ROBO2: variants seen among roughly 807,000 people sequenced by gnomAD.
The protein encoded by ROBO2 is roundabout guidance receptor 2, also known as roundabout homolog 2.
A neutral mutation model predicts 160.8 loss-of-function variants in ROBO2; 53 were observed. The ratio of observed to expected loss-of-function variants is 0.33; its 90% confidence interval spans 0.26 to 0.41. The LOEUF is 0.41. Among genes scored for constraint, ROBO2 ranks in the 10% least tolerant of loss-of-function variants. The probability of loss-of-function intolerance (pLI) is 1.00; values close to 1 mark genes in which losing one functional copy is unlikely to be tolerated. For synonymous variants in ROBO2, 664 were observed against 611.7 expected (o/e 1.09, Z -1.26); for missense variants, 1,577 against 1,722.4 (o/e 0.92, Z 1.49).
At chr3:76,307,205 T>C (rs1392297105) in intron 2 of ROBO2, among the ~76,000 whole-genome samples, 2 of 152,190 alleles carry the variant, frequency 1.3e-5, no homozygotes, top group African/African-American at 4.8e-5. Flanking sequence ...ATCCTCTGCC[T>C]CTTGCCTGAC....
At chr3:76,094,116 T>A (rs2069342050) in intron 2 of ROBO2, among the ~76,000 whole-genome samples, 1 of 151,848 alleles carries the variant, frequency 6.6e-6, no homozygotes, top group Admixed American at 6.6e-5. Flanking sequence ...TATAACAATC[T>A]CGAGTGCACA....
At position 77,243,386 on chromosome 3, in the gene ROBO2, T is replaced by C. The variant is rs930771524; in HGVS notation, c.388+145046T>C. ...TAAAGACCTACATGGTTATTTTTCT[T>C]AGAACGTGAGAAGTCTTAGGAGCAA... On this transcript the variant is annotated intron_variant, in intron 2 of 25. Transcript: ENST00000461745. Among the ~76,000 whole-genome samples, 6 of 152,342 alleles carry C rather than the reference T, an allele frequency of 3.9e-5. 1 individual carries two copies. Among genetic ancestry groups the C allele is most frequent in the African/African-American group, 1.4e-4 (6 of 41,578 alleles).
rs146783348 is a variant in ROBO2, at chr3:76,997,370, G to T, written c.110-100644G>T. Among the ~76,000 whole-genome samples, 836 of 152,164 alleles carry T rather than the reference G, an allele frequency of 5.5e-3. 6 individuals are homozygous for T. The highest frequency in any genetic ancestry group is 0.019 in the African/African-American group (800 of 41,534). ...CTCCTATTATTATATTTCTCCTGTT[G>T]AGTGATAGTGCTTATTGAACAGTAT... is the stretch of plus-strand genomic sequence containing the variant. On this transcript the variant is annotated intron_variant, in intron 2 of 26. Transcript: ENST00000487694.
chr3:77,029,495 C>T (rs995704254), intron 2 of ROBO2, among the ~76,000 whole-genome samples: 1 of 152,100 alleles, frequency 6.6e-6, no homozygotes, highest in Non-Finnish European at 1.5e-5. Flanking sequence ...ACAGAGGAAA[C>T]GACTTAAGTC....
At chr3:76,135,084 C>G (rs1316540900) in intron 2 of ROBO2, among the ~76,000 whole-genome samples, 1 of 151,982 alleles carries the variant, frequency 6.6e-6, no homozygotes, top group Non-Finnish European at 1.5e-5. Flanking sequence ...TGGAGTTCCC[C>G]TCCAGCTGGT....
chr3:76,903,158 T>C (rs1242920253), intron 2 of ROBO2, among the ~76,000 whole-genome samples: 1 of 152,118 alleles, frequency 6.6e-6, no homozygotes, highest in South Asian at 2.1e-4. Context: ...GAACTAACTT[T>C]GCATTCTCAA....
chr3:76,761,326 A>C (rs185836862), intron 2 of ROBO2, among the ~76,000 whole-genome samples: 199 of 151,806 alleles, frequency 1.3e-3, no homozygotes, highest in African/African-American at 4.6e-3. Flanking sequence ...TCTCATTTCT[A>C]TTGGATGAGC....
chr3:77,285,746 T>A (rs2060543070), intron 2 of ROBO2, among the ~76,000 whole-genome samples: 1 of 152,012 alleles, frequency 6.6e-6, no homozygotes, highest in South Asian at 2.1e-4. Flanking sequence ...TCCTAAACTA[T>A]GCACATGCTC....
chr3:76,568,464 T>A (rs1402651676), intron 2 of ROBO2, among the ~76,000 whole-genome samples: 1 of 690 alleles, frequency 1.4e-3, no homozygotes, highest in African/African-American at 1.8e-3. Context: ...GCCCAGATAA[T>A]TTTTTTTTTT....
At chr3:76,066,461 A>G (rs1019670344) in intron 2 of ROBO2, among the ~76,000 whole-genome samples, 12 of 152,144 alleles carry the variant, frequency 7.9e-5, no homozygotes, top group African/African-American at 2.9e-4. Context: ...ATTTTTTATA[A>G]TGAACCATTT....
At chr3:76,774,983 G>A (rs555142793) in intron 2 of ROBO2, among the ~76,000 whole-genome samples, 2 of 150,520 alleles carry the variant, frequency 1.3e-5, no homozygotes, top group East Asian at 3.9e-4. Flanking sequence ...ATTTGCTTTG[G>A]TCTAGCTTCA....
At chr3:75,961,608 A>G (rs1266332890) in intron 2 of ROBO2, among the ~76,000 whole-genome samples, 1 of 151,706 alleles carries the variant, frequency 6.6e-6, no homozygotes, top group Non-Finnish European at 1.5e-5. Flanking sequence ...GGGCTGGGTC[A>G]GGGAGAAGGT....
chr3:76,032,921 G>A (rs2066974740), intron 2 of ROBO2, among the ~76,000 whole-genome samples: 1 of 152,142 alleles, frequency 6.6e-6, no homozygotes, highest in South Asian at 2.1e-4. Flanking sequence ...GATATTATAT[G>A]ATACTGCTTG....
intron 2 of ROBO2, among the ~76,000 whole-genome samples, chr3:76,652,477 G>T (rs1156917770): frequency 1.3e-5 from 2 of 152,034 alleles, no homozygotes; most frequent in Non-Finnish European, 2.9e-5. Flanking sequence ...ACCACATTCT[G>T]TCCTCTTTAC....
intron 2 of ROBO2, among the ~76,000 whole-genome samples, chr3:76,256,953 A>G (rs1035647033): frequency 1.3e-5 from 2 of 151,994 alleles, no homozygotes; most frequent in African/African-American, 2.4e-5. Context: ...GACCACACAC[A>G]TAAAACAAGC....
chr3:76,360,022 T>G (rs2075412173), intron 2 of ROBO2, among the ~76,000 whole-genome samples: 1 of 152,092 alleles, frequency 6.6e-6, no homozygotes, highest in Non-Finnish European at 1.5e-5. Flanking sequence ...ATTGAGAAGT[T>G]TACCATAATT....
chr3:76,302,561 A>G (rs1709415493), intron 2 of ROBO2, among the ~76,000 whole-genome samples: 1 of 152,104 alleles, frequency 6.6e-6, no homozygotes, highest in Non-Finnish European at 1.5e-5. Context: ...GATAGATCCC[A>G]TATATGACAG....
intron 2 of ROBO2, among the ~76,000 whole-genome samples, chr3:77,259,790 A>T (rs1481315750): frequency 3.9e-5 from 6 of 152,320 alleles, no homozygotes; most frequent in African/African-American, 1.2e-4. Flanking sequence ...AGATGGTTCC[A>T]TTTGACCCCA....
chr3:76,219,712 C>A, intron 2 of ROBO2, among the ~76,000 whole-genome samples: 1 of 152,270 alleles, frequency 6.6e-6, no homozygotes, highest in South Asian at 2.1e-4. Flanking sequence ...AATAGGAACA[C>A]TTTTACACTG....
Sources: allele counts gnomAD v4.1 joint callset (sites outside exome capture counted in the v4.1 genomes callset), GRCh38; gene constraint gnomAD v4.1.1; transcripts MANE v1.5; gene names NCBI Gene and HGNC (gene_info 2026-07-23, HGNC 2026-07-21).